CPEB1: variants seen among roughly 807,000 people sequenced by gnomAD.
The protein encoded by CPEB1 is cytoplasmic polyadenylation element binding protein 1.
CPEB1 carries 7 observed loss-of-function variants against 65.8 expected under a neutral mutation model. That is an observed-to-expected ratio of 0.11 (90% CI 0.06 to 0.20). CPEB1 has a LOEUF of 0.20. Ranked by LOEUF, CPEB1 falls within the 10% of genes least tolerant of loss-of-function variation. CPEB1 has a pLI of 1.00. For synonymous variants in CPEB1, 262 were observed against 260.0 expected (o/e 1.01, Z -0.08); for missense variants, 551 against 712.2 (o/e 0.77, Z 2.58).
chr15:82,618,802 T>G (rs2045012269), intron 3 of CPEB1, among the ~76,000 whole-genome samples: 1 of 152,068 alleles, frequency 6.6e-6, no homozygotes, highest in South Asian at 2.1e-4. Context: ...CTAAGAAAAT[T>G]TTTAAAGACC....
intron 3 of CPEB1, among the ~76,000 whole-genome samples, chr15:82,623,293 CA>C (rs2045478255): frequency 2.0e-5 from 3 of 152,174 alleles, no homozygotes; most frequent in African/African-American, 7.2e-5. Flanking sequence ...ATGCAACTAG[CA>C]ATGTGAAACA....
In CPEB1 at chr15:82,580,122, C is replaced by T. The variant is rs188341578; in HGVS notation, c.272-8590G>A. 1.5e-3 allele frequency among the ~76,000 whole-genome samples: 227 copies of T among 151,394 alleles called. 1 individual carries two copies. The highest frequency in any genetic ancestry group is 5.2e-3 in the African/African-American group (217 of 41,360). ...GGATAATGAGGTCAAGAGATCGAGA[C>T]CATCCTGGCCAACATGGTGAAACCC... is the stretch of plus-strand genomic sequence containing the variant. On this transcript the variant is annotated intron_variant, in intron 3 of 12. Transcript: ENST00000684509.
chr15:82,637,947 T>G (rs1221525477), intron 1 of CPEB1: 1 of 452,602 alleles, frequency 2.2e-6, no homozygotes, highest in Non-Finnish European at 4.4e-6. Context: ...TATTACATAT[T>G]AACACAATGA....
At chr15:82,634,383 T>C (rs1326926225) in intron 1 of CPEB1, among the ~76,000 whole-genome samples, 2 of 152,212 alleles carry the variant, frequency 1.3e-5, no homozygotes, top group East Asian at 3.8e-4. Context: ...AGCATTGTGA[T>C]AGGATGGCCA....
chr15:82,616,786 A>G (rs541373093), intron 3 of CPEB1, among the ~76,000 whole-genome samples: 3 of 152,200 alleles, frequency 2.0e-5, no homozygotes, highest in African/African-American at 7.2e-5. Flanking sequence ...AAAAAACCCT[A>G]TAAAAGCAAA....
At chr15:82,578,447 C>G (rs1432443704) in intron 3 of CPEB1, among the ~76,000 whole-genome samples, 1 of 152,104 alleles carries the variant, frequency 6.6e-6, no homozygotes, top group Non-Finnish European at 1.5e-5. Context: ...CCTATGGAAA[C>G]AAAATGTATA....
At chr15:82,594,208 C>T (rs796079084) in intron 3 of CPEB1, among the ~76,000 whole-genome samples, 5 of 152,330 alleles carry the variant, frequency 3.3e-5, no homozygotes, top group African/African-American at 1.2e-4. Flanking sequence ...TTTTCATCTA[C>T]ATTGAGAATC....
intron 1 of CPEB1, among the ~76,000 whole-genome samples, chr15:82,635,086 C>T (rs2046553919): frequency 6.6e-6 from 1 of 152,150 alleles, no homozygotes; most frequent in Admixed American, 6.5e-5. Context: ...AACTCCTGAC[C>T]TCAGGTGATC....
intron 3 of CPEB1, among the ~76,000 whole-genome samples, chr15:82,605,621 T>C (rs888595171): frequency 1.3e-5 from 2 of 152,210 alleles, no homozygotes; most frequent in African/African-American, 4.8e-5. Flanking sequence ...CGTATACATA[T>C]ATCAGAACAT....
intron 3 of CPEB1, among the ~76,000 whole-genome samples, chr15:82,617,216 A>G (rs903690279): frequency 8.5e-5 from 13 of 152,218 alleles, no homozygotes; most frequent in African/African-American, 2.9e-4. Flanking sequence ...CCTGAAATTC[A>G]TCCATGTTGT....
chr15:82,617,879 G>A (rs938153973), intron 3 of CPEB1, among the ~76,000 whole-genome samples: 10 of 149,320 alleles, frequency 6.7e-5, no homozygotes, highest in African/African-American at 2.4e-4. Flanking sequence ...GACTACAGGC[G>A]CCCGCCACTA....
chr15:82,609,044 T>C (rs987391971), intron 3 of CPEB1, among the ~76,000 whole-genome samples: 7 of 152,112 alleles, frequency 4.6e-5, no homozygotes, highest in African/African-American at 1.7e-4. Context: ...GAAGGAAAAC[T>C]GGAAAATTCT....
At chr15:82,581,699 GTTT>G (rs2041300494) in intron 3 of CPEB1, among the ~76,000 whole-genome samples, 1 of 152,168 alleles carries the variant, frequency 6.6e-6, no homozygotes, top group Non-Finnish European at 1.5e-5. Flanking sequence ...GTACCCAAAT[GTTT>G]GAAGATTGCT....
In CPEB1 at chr15:82,571,886, C is replaced by A. The variant is rs550993262; in HGVS notation, c.272-354G>T. 1.5e-4 allele frequency: 158 copies of A among 1,044,546 alleles called. No homozygotes were observed. The African/African-American group carries it at 2.6e-3, about 17-fold the overall frequency. The allele number at this position is 1,044,546 out of a possible 1,614,324, so 64.7% of individuals were successfully genotyped here. ...ACGGGGGAGGAGCAGGAGGGGACGACAGGGAGGAGACTTGCCTCCCAGGGA... is the reference window on the plus strand; with the variant it reads ...ACGGGGGAGGAGCAGGAGGGGACGAAAGGGAGGAGACTTGCCTCCCAGGGA... On this transcript the variant is annotated intron_variant, in intron 3 of 12. Coordinates refer to ENST00000684509, the MANE Select transcript of CPEB1 (RefSeq NM_001365242.1).
chr15:82,629,222 C>A lies in CPEB1; in HGVS notation c.-97-666G>T, dbSNP rs1419911607. On this transcript the variant is annotated intron_variant, in intron 1 of 12. Transcript: ENST00000684509. The stretch of plus-strand genomic sequence containing the variant: ...CCATTTGTGAAATGGAAAAAGGATA[C>A]CAACTTTTTGATGACATATGTAAAG... 4.1e-6 allele frequency: 4 copies of A among 977,922 alleles called. No homozygotes were observed. In the East Asian group the frequency reaches 4.5e-4, roughly 111 times the overall value. The allele number at this position is 977,922 out of a possible 1,614,324, so 60.6% of individuals were successfully genotyped here.
chr15:82,573,676 C>T (rs2040336273), intron 3 of CPEB1, among the ~76,000 whole-genome samples: 1 of 152,120 alleles, frequency 6.6e-6, no homozygotes, highest in Non-Finnish European at 1.5e-5. Context: ...TATGCTCTTG[C>T]TACTCAAAAT....
At chr15:82,643,268 C>G (rs917723969) in intron 1 of CPEB1, among the ~76,000 whole-genome samples, 8 of 152,176 alleles carry the variant, frequency 5.3e-5, no homozygotes, top group Admixed American at 3.9e-4. Context: ...TAGCTTGTGT[C>G]TGAGTTTACA....
intron 3 of CPEB1, among the ~76,000 whole-genome samples, chr15:82,621,829 G>A (rs1057470427): frequency 4.6e-5 from 7 of 152,128 alleles, no homozygotes; most frequent in African/African-American, 1.7e-4. Flanking sequence ...AAACATATCA[G>A]TGCTAAACCT....
At chr15:82,576,981 C>T (rs920395396) in intron 3 of CPEB1, among the ~76,000 whole-genome samples, 7 of 152,112 alleles carry the variant, frequency 4.6e-5, no homozygotes, top group Non-Finnish European at 7.3e-5. Flanking sequence ...GCTGAGACCA[C>T]GCCACTGCAC....
Sources: allele counts gnomAD v4.1 joint callset (sites outside exome capture counted in the v4.1 genomes callset), GRCh38; gene constraint gnomAD v4.1.1; transcripts MANE v1.5; gene names NCBI Gene and HGNC (gene_info 2026-07-23, HGNC 2026-07-21).